The following TRAT1 variants were observed in gnomAD, a reference collection of about 807,000 sequenced individuals.
TRAT1 encodes T cell receptor associated transmembrane adaptor 1, also known as T-cell receptor-associated transmembrane adapter 1.
A neutral mutation model predicts 20.0 loss-of-function variants in TRAT1; 20 were observed. That is an observed-to-expected ratio of 1.00 (90% confidence interval 0.70 to 1.45). TRAT1 has a LOEUF of 1.45. Among genes scored for constraint, TRAT1 ranks in the 40% most tolerant of loss-of-function variants. The probability of loss-of-function intolerance (pLI) is 0.00; values close to 1 mark genes in which losing one functional copy is unlikely to be tolerated. For synonymous variants in TRAT1, 77 were observed against 74.2 expected, an observed-to-expected ratio of 1.04 and a Z score of -0.20; for missense variants, 237 against 224.1, an observed-to-expected ratio of 1.06 and a Z score of -0.37.
intron 3 of TRAT1, among the ~76,000 whole-genome samples, chr3:108,846,732 A>G (rs1286895363): frequency 6.6e-6 from 1 of 152,194 alleles, no homozygotes; most frequent in Non-Finnish European, 1.5e-5. Flanking sequence ...ATGATATAGT[A>G]CCTATGTTGG....
chr3:108,830,559 C>A (rs2107507239), intron 1 of TRAT1, 111 bp from the exon 2 acceptor site: 1 of 716,218 alleles, frequency 1.4e-6, no homozygotes, highest in Non-Finnish European at 2.5e-6. Flanking sequence ...CCGGTAGAGA[C>A]TGTGTACTTC....
chr3:108,826,770 A>G (rs1945743419), intron 1 of TRAT1, among the ~76,000 whole-genome samples: 1 of 152,198 alleles, frequency 6.6e-6, no homozygotes, highest in African/African-American at 2.4e-5. Context: ...ATATGCTGTA[A>G]TATACTATAA....
intron 5 of TRAT1, among the ~76,000 whole-genome samples, chr3:108,852,495 A>G (rs9821044): frequency 0.016 from 2,495 of 152,300 alleles, 60 homozygotes; most frequent in African/African-American, 0.057. Flanking sequence ...TAACATGAAA[A>G]CAAGTGCCAA....
At chr3:108,822,958 G>C (rs773796462) in intron 1 of TRAT1, 24 bp downstream of exon 1, 57 of 1,608,616 alleles carry the variant, frequency 3.5e-5, no homozygotes, top group Non-Finnish European at 4.4e-5. Context: ...TAAACTTTTT[G>C]TTCCATTTGT....
chr3:108,834,994 T>A (rs1285769225), intron 2 of TRAT1, among the ~76,000 whole-genome samples: 2 of 152,238 alleles, frequency 1.3e-5, no homozygotes, highest in Admixed American at 1.3e-4. Flanking sequence ...ACTTTTTCCT[T>A]CTTTAAATCC....
intron 3 of TRAT1, among the ~76,000 whole-genome samples, chr3:108,846,573 T>C (rs560846581): frequency 6.6e-6 from 1 of 152,316 alleles, no homozygotes; most frequent in African/African-American, 2.4e-5. Context: ...TTTGGACTGA[T>C]ATTCTGGGTG....
intron 2 of TRAT1, 137 bp downstream of exon 2, chr3:108,830,917 A>C: frequency 1.6e-6 from 1 of 626,144 alleles, no homozygotes; most frequent in Non-Finnish European, 2.8e-6. Flanking sequence ...TCTATTTGCT[A>C]ATTTTTCTCG....
chr3:108,849,194 A>G lies in TRAT1; in HGVS notation c.243A>G (p.Gln81=), dbSNP rs1945973832. The G allele has an allele frequency of 6.2e-7, 1 of 1,614,148 alleles. No individual in the cohort carries two copies. The highest frequency in any genetic ancestry group is 1.1e-5 in the South Asian group (1 of 91,076). ...SEPMDENCYE[Q]MKARPEKSVN... is the part of the protein sequence containing the mutation. ...CAATGGATGAAAATTGCTATGAACA[A>G]ATGAAAGCCCGACCAGAGAAATCTG... is the stretch of plus-strand genomic sequence containing the variant. The change falls in exon 5 of 6, where the codon CAA becomes CAG. Residue 81 remains glutamine, a synonymous_variant. Transcript: ENST00000295756.
At chr3:108,838,703 G>T (rs983919120) in intron 2 of TRAT1, among the ~76,000 whole-genome samples, 1 of 152,120 alleles carries the variant, frequency 6.6e-6, no homozygotes, top group Admixed American at 6.5e-5. Flanking sequence ...AAGTTGCTCT[G>T]GTTTCTCTTC....
rs951015148 is a variant in TRAT1, at chr3:108,824,489, T to G, written c.7+1555T>G. Among the ~76,000 whole-genome samples, 21 of 152,184 alleles carry G rather than the reference T, an allele frequency of 1.4e-4. 1 individual carries two copies. The highest frequency in any genetic ancestry group is 2.9e-5 in the Non-Finnish European group (2 of 68,034). ...TGAGGTTGAACATTTTTGCATGGAT[T>G]TTTAAACTGTTTATAGCTATCATTT... is the stretch of plus-strand genomic sequence containing the variant. On this transcript the variant is annotated intron_variant, in intron 1 of 5. Coordinates refer to ENST00000295756, the MANE Select transcript of TRAT1 (RefSeq NM_016388.4).
intron 2 of TRAT1, 142 bp from the exon 3 acceptor site, chr3:108,838,792 C>T (rs1945864912): frequency 5.7e-6 from 4 of 706,462 alleles, no homozygotes; most frequent in East Asian, 5.5e-5. Flanking sequence ...TTTAACCCTA[C>T]TTCAATCAGA....
chr3:108,834,902 C>A (rs989929066), intron 2 of TRAT1, among the ~76,000 whole-genome samples: 9 of 152,144 alleles, frequency 5.9e-5, no homozygotes, highest in African/African-American at 2.2e-4. Context: ...AAAATAAATC[C>A]TTCATTTTTT....
chr3:108,825,189 T>A (rs1945724956), intron 1 of TRAT1, among the ~76,000 whole-genome samples: 1 of 152,130 alleles, frequency 6.6e-6, no homozygotes. Context: ...AAAAGAATAA[T>A]TATTTCTAGT....
intron 2 of TRAT1, among the ~76,000 whole-genome samples, chr3:108,835,587 C>T (rs184039668): frequency 2.0e-5 from 3 of 152,236 alleles, no homozygotes. Context: ...AACAAAATTA[C>T]CCAAGTACTG....
intron 3 of TRAT1, among the ~76,000 whole-genome samples, chr3:108,846,273 C>T (rs953079999): frequency 6.6e-6 from 1 of 152,100 alleles, no homozygotes; most frequent in Non-Finnish European, 1.5e-5. Context: ...ATATGATTGT[C>T]CTGAGGGTTG....
intron 3 of TRAT1, among the ~76,000 whole-genome samples, chr3:108,843,125 C>A (rs776277176): frequency 6.6e-6 from 1 of 152,194 alleles, no homozygotes; most frequent in Non-Finnish European, 1.5e-5. Flanking sequence ...ACTCTGTCAA[C>A]TTTTCCTTTG....
intron 3 of TRAT1, among the ~76,000 whole-genome samples, chr3:108,842,571 A>G (rs1388836938): frequency 6.6e-6 from 1 of 152,114 alleles, no homozygotes; most frequent in African/African-American, 2.4e-5. Context: ...TCATAACCCA[A>G]GCCCCAGCCC....
At chr3:108,843,380 A>C (rs1945912525) in intron 3 of TRAT1, among the ~76,000 whole-genome samples, 1 of 151,978 alleles carries the variant, frequency 6.6e-6, no homozygotes, top group African/African-American at 2.4e-5. Flanking sequence ...AAATACAAAA[A>C]TTTGCTGGGC....
rs112748079 is a variant in TRAT1 at position 108,850,703 on chromosome 3, T to G, written c.303+1449T>G. Among the ~76,000 whole-genome samples the G allele has an allele frequency of 1.9e-3, 287 of 152,342 alleles. 2 individuals carry two copies. The highest frequency in any genetic ancestry group is 6.7e-3 in the African/African-American group (277 of 41,568). ...GTTTAGTTAATTATAAAATATATTT[T>G]AGATAAACATATGGAAAACCTGCAT... On this transcript the variant is annotated intron_variant, in intron 5 of 5. Transcript: ENST00000295756.
Sources: gnomAD v4.1 joint callset for allele counts (sites outside exome capture counted in the v4.1 genomes callset) on GRCh38, gnomAD v4.1.1 for gene constraint, MANE v1.5 for transcripts, NCBI Gene and HGNC (gene_info 2026-07-23, HGNC 2026-07-21) for gene names.